OVOL2: variants seen among roughly 807,000 people sequenced by gnomAD.
OVOL2 encodes transcription factor Ovo-like 2.
OVOL2 carries 13 observed loss-of-function variants against 18.1 expected under a neutral mutation model. The ratio of observed to expected loss-of-function variants is 0.72; its 90% CI spans 0.47 to 1.14. The LOEUF (loss-of-function observed/expected upper bound fraction) is 1.14, where lower values mean the gene tolerates loss of function less well. Among genes scored for constraint, OVOL2 ranks in the 50% most tolerant of loss-of-function variants. The pLI, the probability that OVOL2 is intolerant of heterozygous loss-of-function variation, is 0.00. For synonymous variants in OVOL2, 166 were observed against 162.7 expected (o/e 1.02, Z -0.16); for missense variants, 335 against 383.0 (o/e 0.87, Z 1.05).
In OVOL2 at chr20:18,052,623, C is replaced by T. The variant is rs549583961; in HGVS notation, c.321+4034G>A. Among the ~76,000 whole-genome samples the T allele has an allele frequency of 4.5e-3, 692 of 152,194 alleles. 6 individuals carry two copies. Among genetic ancestry groups the T allele is most frequent in the Middle Eastern group, 0.01 (3 of 294 alleles). On this transcript the variant is annotated intron_variant, in intron 2 of 3. Transcript: ENST00000278780. ...AGTGATGGGGGTATGGGGACTACTC[C>T]GTAGACACACATCTGCACCACTACA...
rs1339624016 is a variant in OVOL2 at position 18,056,536 on chromosome 20, G to A, written c.321+121C>T. 1 of 1,072,534 alleles carries A rather than the reference G, an allele frequency of 9.3e-7. No homozygotes were observed. Among genetic ancestry groups the A allele is most frequent in the Non-Finnish European group, 1.1e-6 (1 of 887,508 alleles). The allele number at this position is 1,072,534 out of a possible 1,614,324, so 66.4% of individuals were successfully genotyped here. A position where few individuals can be genotyped will look rare whatever the true frequency, so the allele number is the denominator to read the frequency against. On this transcript the variant is annotated intron_variant, in intron 2 of 3. Coordinates refer to ENST00000278780, the MANE Select transcript of OVOL2 (RefSeq NM_021220.4). The surrounding 1 kb of genome is among the most constrained non-coding windows in gnomAD (Gnocchi z 4.2). Reference sequence around the variant, plus strand: ...GGCAGGTGCAGGAGCGGCGCGGCGGGCGCGCTCGGGGCGCGGGTGCCGGGT... The same window carrying A: ...GGCAGGTGCAGGAGCGGCGCGGCGGACGCGCTCGGGGCGCGGGTGCCGGGT...
At chr20:18,041,142 G>T (rs555196355) in intron 3 of OVOL2, among the ~76,000 whole-genome samples, 1 of 152,072 alleles carries the variant, frequency 6.6e-6, no homozygotes, top group South Asian at 2.1e-4. Flanking sequence ...TGGCCCTAAC[G>T]CCCCATCATC....
intron 3 of OVOL2, among the ~76,000 whole-genome samples, chr20:18,037,397 G>A (rs986114450): frequency 6.6e-5 from 10 of 152,272 alleles, no homozygotes; most frequent in African/African-American, 2.4e-4. Context: ...GGTAATTTGA[G>A]ATGACAGGAT....
intron 3 of OVOL2, among the ~76,000 whole-genome samples, chr20:18,031,586 A>G (rs2036570919): frequency 6.6e-6 from 1 of 152,226 alleles, no homozygotes; most frequent in African/African-American, 2.4e-5. Flanking sequence ...CAGAAAAAAA[A>G]CAAAACAAAA....
chr20:18,058,404 A>ACCCC (rs11326055), upstream of OVOL2, among the ~76,000 whole-genome samples: 9 of 128,998 alleles, frequency 7.0e-5, 1 homozygote, highest in East Asian at 4.8e-4. Context: ...CAGCTACAAC[A>ACCCC]CCCCCCCCCC....
intron 3 of OVOL2, among the ~76,000 whole-genome samples, chr20:18,038,345 C>T (rs1169287845): frequency 1.3e-5 from 2 of 152,200 alleles, no homozygotes; most frequent in Non-Finnish European, 2.9e-5. Context: ...GGCCCCAAAA[C>T]CTCACAACCA....
intron 3 of OVOL2, among the ~76,000 whole-genome samples, chr20:18,032,149 C>T (rs556743824): frequency 6.9e-4 from 103 of 149,570 alleles, no homozygotes; most frequent in Admixed American, 3.4e-3. Flanking sequence ...CACAGGGAGG[C>T]GAAGGATATA....
chr20:18,024,284 T>G lies in OVOL2; in HGVS notation c.*352A>C, dbSNP rs1382060149. On this transcript the variant is annotated 3_prime_UTR_variant, in exon 4 of 4. Coordinates refer to ENST00000278780, the MANE Select transcript of OVOL2 (RefSeq NM_021220.4). ...GCATTTCAAGTAGAAGTATTTTTAT[T>G]TCAAGGCACCATAAAATGATGATCT... 1 of 192,092 alleles carries G rather than the reference T, an allele frequency of 5.2e-6. No individual in the cohort carries two copies. The highest frequency in any genetic ancestry group is 1.1e-5 in the Non-Finnish European group (1 of 93,806). The allele number at this position is 192,092 out of a possible 1,614,324, so 11.9% of individuals were successfully genotyped here. A position where few individuals can be genotyped will look rare whatever the true frequency, so the allele number is the denominator to read the frequency against.
At chr20:18,035,470 T>C (rs8124331) in intron 3 of OVOL2, among the ~76,000 whole-genome samples, 18,379 of 152,174 alleles carry the variant, frequency 0.12, 1,217 homozygotes, top group Middle Eastern at 0.16. Flanking sequence ...ACAAAACAAA[T>C]AAGCAAACAA....
chr20:18,057,970 C>A (rs775139042), upstream of OVOL2: 87 of 939,662 alleles, frequency 9.3e-5, 1 homozygote, highest in Middle Eastern at 4.2e-4. This position sits in a 1 kb window ranked among gnomAD's most constrained non-coding sequence, Gnocchi z 6.3. Context: ...CGCTACCTGT[C>A]CGACCGGTTC....
rs6034941 is a variant in OVOL2, at chr20:18,025,796, G to A, written c.512-844C>T. ...GAGACAGTGTGGCACACACCTTGGC[G>A]TCATCCCACCCCTCCAGGAGCTGAG... is the stretch of plus-strand genomic sequence containing the variant. On this transcript the variant is annotated intron_variant, in intron 3 of 3. Transcript: ENST00000278780. Among the ~76,000 whole-genome samples the A allele has an allele frequency of 2.5e-3, 383 of 152,320 alleles. 2 individuals are homozygous for A. Among genetic ancestry groups the A allele is most frequent in the African/African-American group, 7.6e-3 (315 of 41,578 alleles).
At chr20:18,044,176 A>C (rs1054769271) in intron 2 of OVOL2, among the ~76,000 whole-genome samples, 1 of 152,172 alleles carries the variant, frequency 6.6e-6, no homozygotes, top group Non-Finnish European at 1.5e-5. Context: ...CTGATTCAGG[A>C]GGTCTGGTAG....
chr20:18,029,591 C>T (rs2036549894), intron 3 of OVOL2, among the ~76,000 whole-genome samples: 1 of 152,140 alleles, frequency 6.6e-6, no homozygotes, highest in South Asian at 2.1e-4. Context: ...TTCCCATCTC[C>T]AACCACCTGC....
chr20:18,026,889 C>G (rs1341139817), intron 3 of OVOL2, among the ~76,000 whole-genome samples: 1 of 151,986 alleles, frequency 6.6e-6, no homozygotes, highest in African/African-American at 2.4e-5. Context: ...ATAGGAGGCT[C>G]ACACTCAAAA....
In OVOL2 at chr20:18,056,973, C is replaced by T. The variant is rs1372164759; in HGVS notation, c.101-96G>A. ...TGCGGGCGGTGCTGCCGCCGCCCCG[C>T]CCCGGACCTGGGCACCTCGCCAAGT... On this transcript the variant is annotated intron_variant, in intron 1 of 3. Coordinates refer to ENST00000278780, the MANE Select transcript of OVOL2 (RefSeq NM_021220.4). This position sits in a 1 kb window ranked among gnomAD's most constrained non-coding sequence, Gnocchi z 4.2. 3 of 1,340,362 alleles carry T rather than the reference C, an allele frequency of 2.2e-6. No homozygotes were observed. Among genetic ancestry groups the T allele is most frequent in the Non-Finnish European group, 2.9e-6 (3 of 1,042,622 alleles). 83.0% of individuals were successfully genotyped at this position (1,340,362 alleles called of 1,614,324 possible).
intron 2 of OVOL2, among the ~76,000 whole-genome samples, chr20:18,052,826 C>T (rs1480369164): frequency 6.6e-6 from 1 of 152,168 alleles, no homozygotes. Context: ...CAGAGAATCA[C>T]GTATGAATAC....
At chr20:18,042,775 CAA>C (rs141784334) in intron 2 of OVOL2, among the ~76,000 whole-genome samples, 5 of 93,570 alleles carry the variant, frequency 5.3e-5, no homozygotes, top group African/African-American at 8.5e-5. Flanking sequence ...AACTCCGTCT[CAA>C]AAAAAAAAAA....
At position 18,042,174 on chromosome 20, in the gene OVOL2, A is replaced by C. The variant is rs2036677897; in HGVS notation, c.322-451T>G. Among the ~76,000 whole-genome samples the C allele has an allele frequency of 1.3e-5, 2 of 151,826 alleles. 1 individual carries two copies. The highest frequency in any genetic ancestry group is 4.2e-4 in the South Asian group (2 of 4,804). On this transcript the variant is annotated intron_variant, in intron 2 of 3. Coordinates refer to ENST00000278780, the MANE Select transcript of OVOL2 (RefSeq NM_021220.4). ...GTGATCCATCCGCCTCAGCCTCCCA[A>C]AGTGCTGGGATTACAGGCATGAGCC...
At chr20:18,025,118 C>A (rs921652905) in intron 3 of OVOL2, among the ~76,000 whole-genome samples, 166 bp from the exon 4 acceptor site, 1 of 152,156 alleles carries the variant, frequency 6.6e-6, no homozygotes, top group African/African-American at 2.4e-5. Flanking sequence ...TAGCATCCAC[C>A]TGAGTAAACC....
Sources: gnomAD v4.1 joint callset for allele counts (sites outside exome capture counted in the v4.1 genomes callset) on GRCh38, gnomAD v4.1.1 for gene constraint, Gnocchi (gnomAD v3.1) non-coding constraint, MANE v1.5 for transcripts, NCBI Gene and HGNC (gene_info 2026-07-23, HGNC 2026-07-21) for gene names.